The following ARHGAP15 variants were observed in gnomAD, a reference collection of about 807,000 sequenced individuals.
ARHGAP15 encodes Rho GTPase activating protein 15.
A neutral mutation model predicts 63.7 loss-of-function variants in ARHGAP15; 51 were observed. The observed-to-expected ratio is 0.80, with a 90% confidence interval of 0.64 to 1.01. The LOEUF is 1.01. ARHGAP15 is among the 50% of genes least tolerant of loss of function. ARHGAP15 has a pLI of 0.00. For synonymous variants in ARHGAP15, 191 were observed against 193.8 expected (o/e 0.99, Z 0.12); for missense variants, 560 against 564.6 (o/e 0.99, Z 0.08).
chr2:143,389,137 T>TTA (rs1558938612), intron 6 of ARHGAP15, among the ~76,000 whole-genome samples: 7 of 145,498 alleles, frequency 4.8e-5, no homozygotes, highest in African/African-American at 1.8e-4. Context: ...TATTATTATT[T>TTA]TTTATTATTA....
At chr2:143,696,898 C>A (rs1471231257) in intron 12 of ARHGAP15, among the ~76,000 whole-genome samples, 2 of 152,164 alleles carry the variant, frequency 1.3e-5, no homozygotes, top group Non-Finnish European at 2.9e-5. Context: ...TAATGTACCT[C>A]TCTTCTCAGG....
At chr2:143,216,598 G>A (rs1232939374) in intron 4 of ARHGAP15, among the ~76,000 whole-genome samples, 153 bp downstream of exon 4, 1 of 152,122 alleles carries the variant, frequency 6.6e-6, no homozygotes, top group Non-Finnish European at 1.5e-5. Context: ...ATTTTTAATG[G>A]AACTACAGTT....
chr2:143,434,913 T>C (rs1689543322), intron 6 of ARHGAP15, among the ~76,000 whole-genome samples: 1 of 152,144 alleles, frequency 6.6e-6, no homozygotes, highest in East Asian at 1.9e-4. Context: ...AGTTACACGC[T>C]AAATATTGCC....
chr2:143,627,343 A>G (rs1698873453), intron 12 of ARHGAP15, among the ~76,000 whole-genome samples: 1 of 152,180 alleles, frequency 6.6e-6, no homozygotes, highest in African/African-American at 2.4e-5. Context: ...TACATTTACT[A>G]ACCCACGTAT....
At position 143,576,537 on chromosome 2, in the gene ARHGAP15, T is replaced by A. The variant is rs571662384; in HGVS notation, c.1003+20052T>A. ...TTTAAGATATTGGATTAAGAAAAAA[T>A]TGACTGTTATACAAATAACATCTGA... is the stretch of plus-strand genomic sequence containing the variant. On this transcript the variant is annotated intron_variant, in intron 11 of 13. Coordinates refer to ENST00000295095, the MANE Select transcript of ARHGAP15 (RefSeq NM_018460.4). Among the ~76,000 whole-genome samples the A allele has an allele frequency of 4.1e-4, 62 of 152,236 alleles. 2 individuals are homozygous for A. In the South Asian group the frequency reaches 0.013, roughly 31 times the overall value.
At chr2:143,545,360 C>CTGG (rs1695285887) in intron 10 of ARHGAP15, among the ~76,000 whole-genome samples, 1 of 152,176 alleles carries the variant, frequency 6.6e-6, no homozygotes, top group Admixed American at 6.5e-5. Flanking sequence ...TTAAACTGCC[C>CTGG]TGGTGGTGAG....
chr2:143,588,108 T>C (rs2105161672), intron 11 of ARHGAP15, among the ~76,000 whole-genome samples: 1 of 152,296 alleles, frequency 6.6e-6, no homozygotes, highest in Middle Eastern at 3.4e-3. Context: ...TTCCTCCCAC[T>C]CATTAGATTT....
At chr2:143,393,565 C>T (rs1687626250) in intron 6 of ARHGAP15, among the ~76,000 whole-genome samples, 1 of 151,796 alleles carries the variant, frequency 6.6e-6, no homozygotes, top group South Asian at 2.1e-4. Context: ...AACCCCATCT[C>T]TACTAAAAAC....
intron 12 of ARHGAP15, among the ~76,000 whole-genome samples, chr2:143,653,706 C>T (rs1681287580): frequency 6.6e-6 from 1 of 152,124 alleles, no homozygotes; most frequent in Admixed American, 6.5e-5. Context: ...CTACCTGCCC[C>T]CCATACTGGG....
At chr2:143,596,501 C>G (rs2105181462) in intron 11 of ARHGAP15, among the ~76,000 whole-genome samples, 1 of 152,142 alleles carries the variant, frequency 6.6e-6, no homozygotes, top group Middle Eastern at 3.4e-3. Flanking sequence ...GCAAGGAGGT[C>G]TTGTGTCACC....
intron 12 of ARHGAP15, among the ~76,000 whole-genome samples, chr2:143,695,811 G>A (rs1243986170): frequency 6.6e-6 from 1 of 151,196 alleles, no homozygotes; most frequent in Non-Finnish European, 1.5e-5. Context: ...GCAGTGAGCT[G>A]AGATCATGCC....
chr2:143,130,535 T>A (rs1688878923), intron 1 of ARHGAP15, among the ~76,000 whole-genome samples: 1 of 152,176 alleles, frequency 6.6e-6, no homozygotes, highest in Admixed American at 6.5e-5. Context: ...GGTTGATAAG[T>A]GGCAACAATT....
chr2:143,723,528 G>A (rs1685153514), intron 13 of ARHGAP15, among the ~76,000 whole-genome samples: 1 of 152,142 alleles, frequency 6.6e-6, no homozygotes, highest in Non-Finnish European at 1.5e-5. Context: ...TCTCCACAAA[G>A]GACTGGAAAG....
intron 6 of ARHGAP15, among the ~76,000 whole-genome samples, chr2:143,313,693 C>T (rs1193065709): frequency 6.6e-6 from 1 of 152,062 alleles, no homozygotes; most frequent in Admixed American, 6.6e-5. Flanking sequence ...GCCAAAGGTT[C>T]CATTTTGTGT....
intron 6 of ARHGAP15, among the ~76,000 whole-genome samples, chr2:143,309,762 C>T (rs1683349648): frequency 6.6e-6 from 1 of 151,962 alleles, no homozygotes; most frequent in African/African-American, 2.4e-5. Flanking sequence ...TCAGCAGCAT[C>T]ACTGGCTTCT....
At chr2:143,304,470 G>A (rs986779413) in intron 6 of ARHGAP15, among the ~76,000 whole-genome samples, 1 of 151,994 alleles carries the variant, frequency 6.6e-6, no homozygotes, top group African/African-American at 2.4e-5. Context: ...GGGGGAAGAG[G>A]GGAGGGATAG....
At chr2:143,446,718 G>A (rs968932790) in intron 8 of ARHGAP15, among the ~76,000 whole-genome samples, 30 of 151,310 alleles carry the variant, frequency 2.0e-4, no homozygotes, top group Non-Finnish European at 3.7e-4. Context: ...ATGCTGGTGC[G>A]CTGCACCCCT....
chr2:143,161,914 C>T (rs570450314), intron 2 of ARHGAP15, among the ~76,000 whole-genome samples: 1 of 151,890 alleles, frequency 6.6e-6, no homozygotes, highest in South Asian at 2.1e-4. Context: ...CCTAGATCAC[C>T]CAAAGGATGG....
At chr2:143,644,178 A>G (rs528717150) in intron 12 of ARHGAP15, among the ~76,000 whole-genome samples, 1 of 152,116 alleles carries the variant, frequency 6.6e-6, no homozygotes, top group Non-Finnish European at 1.5e-5. Flanking sequence ...AAGGTTTGAT[A>G]GAGAACGAAC....
Sources: gnomAD v4.1 joint callset for allele counts (sites outside exome capture counted in the v4.1 genomes callset) on GRCh38, gnomAD v4.1.1 for gene constraint, MANE v1.5 for transcripts, NCBI Gene and HGNC (gene_info 2026-07-23, HGNC 2026-07-21) for gene names.